NEK10: variants seen among roughly 807,000 people sequenced by gnomAD.
NEK10 encodes the protein NIMA related kinase 10, also known as serine/threonine-protein kinase Nek10.
In NEK10, 122 loss-of-function variants were observed where a neutral mutation model predicts 159.8. That is an observed-to-expected ratio of 0.76 (90% CI 0.66 to 0.89). The LOEUF is 0.89. Ranked by LOEUF, NEK10 falls within the 40% of genes least tolerant of loss-of-function variation. NEK10 has a pLI of 0.00. For missense variants in NEK10, 1,342 were observed against 1,323.1 expected (o/e 1.01, Z -0.22); for synonymous variants, 466 against 457.1 (o/e 1.02, Z -0.25).
intron 6 of NEK10, among the ~76,000 whole-genome samples, chr3:27,316,595 G>C (rs2045203665): frequency 6.6e-6 from 1 of 152,086 alleles, no homozygotes; most frequent in African/African-American, 2.4e-5. Flanking sequence ...TTGGGAGTGG[G>C]AAGACACCAA....
intron 32 of NEK10, among the ~76,000 whole-genome samples, chr3:27,124,668 C>G (rs906593713): frequency 6.6e-6 from 1 of 152,110 alleles, no homozygotes; most frequent in Non-Finnish European, 1.5e-5. Flanking sequence ...TGAAGCAGAG[C>G]AGGTGAAAAA....
intron 23 of NEK10, among the ~76,000 whole-genome samples, chr3:27,238,745 T>C (rs1238513445): frequency 9.1e-6 from 1 of 109,558 alleles, no homozygotes; most frequent in Non-Finnish European, 1.9e-5. Context: ...ACCTCCCCTT[T>C]CGTGTGTGTG....
chr3:27,262,975 A>T (rs1033406121), intron 22 of NEK10, among the ~76,000 whole-genome samples: 5 of 152,046 alleles, frequency 3.3e-5, no homozygotes, highest in African/African-American at 1.2e-4. Context: ...GTCTTTGATG[A>T]TGGTGACGTA....
intron 1 of NEK10, among the ~76,000 whole-genome samples, chr3:27,366,807 A>ATTTTT (rs3060370): frequency 2.5e-4 from 27 of 109,514 alleles, no homozygotes; most frequent in African/African-American, 9.4e-4. Context: ...CAGTGTGTTC[A>ATTTTT]TTTTTTTTTT....
At chr3:27,184,416 T>C (rs1447185167) in intron 26 of NEK10, among the ~76,000 whole-genome samples, 3 of 152,118 alleles carry the variant, frequency 2.0e-5, no homozygotes, top group East Asian at 1.9e-4. Flanking sequence ...GGGCAGAGAA[T>C]TGTATAGAAA....
intron 26 of NEK10, among the ~76,000 whole-genome samples, chr3:27,175,629 T>C (rs1249527659): frequency 1.3e-5 from 2 of 152,188 alleles, no homozygotes; most frequent in Non-Finnish European, 2.9e-5. Flanking sequence ...AAAGTACCAC[T>C]TGTTTCTTTA....
At position 27,119,805 on chromosome 3, in the gene NEK10, G is replaced by A. The variant is rs1941025078; in HGVS notation, c.3145C>T (p.His1049Tyr). 3 of 1,613,994 alleles carry A rather than the reference G, an allele frequency of 1.9e-6. No individual in the cohort carries two copies. In the East Asian group the frequency reaches 6.7e-5, roughly 36 times the overall value. ...NFFTADYHLL[H>Y]RSSGGNSLSP... ...AGGCTGTTTCCACCGGATGAACGATGTAATAAATGGTAATCTGCTGTGAAA... is the reference window on the plus strand; with the variant it reads ...AGGCTGTTTCCACCGGATGAACGATATAATAAATGGTAATCTGCTGTGAAA... Residue 1049 changes from histidine to tyrosine, a missense_variant, in exon 33 of 36, where the codon CAT (histidine) becomes TAT (tyrosine). By Grantham distance (83) the His-to-Tyr change is moderately conservative (BLOSUM62 2). Coordinates refer to ENST00000691995, the MANE Select transcript of NEK10 (RefSeq NM_001394966.1).
At chr3:27,173,537 G>A (rs1442238185) in intron 28 of NEK10, among the ~76,000 whole-genome samples, 2 of 152,136 alleles carry the variant, frequency 1.3e-5, no homozygotes, top group African/African-American at 2.4e-5. Context: ...CAGAAAATAT[G>A]GAACATCTAA....
chr3:27,290,510 A>T, intron 19 of NEK10, 107 bp downstream of exon 19: 1 of 783,644 alleles, frequency 1.3e-6, no homozygotes. Context: ...CAATTATTTC[A>T]CATGGAACTA....
At chr3:27,280,913 G>GTA (rs1491430505) in intron 22 of NEK10, among the ~76,000 whole-genome samples, 2 of 48,654 alleles carry the variant, frequency 4.1e-5, no homozygotes, top group African/African-American at 2.8e-4. Context: ...TGTACATATG[G>GTA]TGTGTGTGTG....
intron 5 of NEK10, among the ~76,000 whole-genome samples, chr3:27,329,378 G>A (rs1444976141): frequency 6.6e-6 from 1 of 152,166 alleles, no homozygotes; most frequent in Non-Finnish European, 1.5e-5. Context: ...GGAGCTAAGT[G>A]GATAGGAAAA....
intron 22 of NEK10, among the ~76,000 whole-genome samples, chr3:27,264,094 A>C (rs1260194334): frequency 6.6e-6 from 1 of 152,184 alleles, no homozygotes; most frequent in Admixed American, 6.5e-5. Flanking sequence ...TCTCACAGGG[A>C]GAAATTAACA....
intron 1 of NEK10, among the ~76,000 whole-genome samples, chr3:27,364,973 A>T (rs2048955385): frequency 6.6e-6 from 1 of 152,186 alleles, no homozygotes; most frequent in Non-Finnish European, 1.5e-5. Flanking sequence ...AGTGAGGTTC[A>T]TTCATTTGCC....
intron 22 of NEK10, 123 bp downstream of exon 22, chr3:27,284,479 A>G: frequency 3.3e-6 from 2 of 604,912 alleles, no homozygotes; most frequent in Non-Finnish European, 3.0e-6. Context: ...GCTAGTGGCT[A>G]CTGTATTGGA....
intron 1 of NEK10, among the ~76,000 whole-genome samples, chr3:27,361,364 C>A (rs2048672978): frequency 6.6e-6 from 1 of 152,098 alleles, no homozygotes; most frequent in South Asian, 2.1e-4. Flanking sequence ...CTGAGACTTA[C>A]ATATTAAGCA....
At chr3:27,200,691 G>A (rs996531517) in intron 25 of NEK10, among the ~76,000 whole-genome samples, 1 of 152,200 alleles carries the variant, frequency 6.6e-6, no homozygotes, top group African/African-American at 2.4e-5. Flanking sequence ...AATATGTCAG[G>A]GATGATGAGT....
chr3:27,342,993 G>C (rs2047306015), intron 5 of NEK10, among the ~76,000 whole-genome samples: 1 of 152,162 alleles, frequency 6.6e-6, no homozygotes, highest in Admixed American at 6.6e-5. Flanking sequence ...GAACTGAACA[G>C]TGACCCAATT....
intron 5 of NEK10, among the ~76,000 whole-genome samples, chr3:27,341,238 C>T (rs947308571): frequency 7.2e-5 from 11 of 152,068 alleles, no homozygotes; most frequent in East Asian, 1.9e-4. Context: ...GGTAGGTTAA[C>T]GGGTACAAAT....
rs556710667 is a variant in NEK10 at position 27,190,937 on chromosome 3, A to G, written c.2505+1092T>C. ...GTTATATGCTCCTTTACATAAACAT[A>G]TAACTTAAATAATCATCATGGAATG... On this transcript the variant is annotated intron_variant, in intron 26 of 35. Coordinates refer to ENST00000691995, the MANE Select transcript of NEK10 (RefSeq NM_001394966.1). Among the ~76,000 whole-genome samples the G allele has an allele frequency of 5.9e-5, 9 of 152,362 alleles. No individual in the cohort carries two copies. In the East Asian group the frequency reaches 1.3e-3, roughly 23 times the overall value.
Sources: allele counts gnomAD v4.1 joint callset (sites outside exome capture counted in the v4.1 genomes callset), GRCh38; gene constraint gnomAD v4.1.1; transcripts MANE v1.5; gene names NCBI Gene and HGNC (gene_info 2026-07-23, HGNC 2026-07-21).